PCDHGA7: variants seen among roughly 807,000 people sequenced by gnomAD.
PCDHGA7 encodes the protein protocadherin gamma-A7.
PCDHGA7 carries 44 observed loss-of-function variants against 58.3 expected under a neutral mutation model. The ratio of observed to expected loss-of-function variants is 0.75; its 90% CI spans 0.59 to 0.97. The LOEUF (loss-of-function observed/expected upper bound fraction) is 0.97, where lower values mean the gene tolerates loss of function less well. Among genes scored for constraint, PCDHGA7 ranks in the 50% least tolerant of loss-of-function variants. The pLI is 0.00. For missense variants in PCDHGA7, 1,266 were observed against 1,188.7 expected (o/e 1.06, Z -0.96); for synonymous variants, 516 against 504.2 (o/e 1.02, Z -0.31).
At chr5:141,492,974 C>G (rs1479838959) in intron 1 of PCDHGA7, among the ~76,000 whole-genome samples, 1 of 152,244 alleles carries the variant, frequency 6.6e-6, no homozygotes, top group Non-Finnish European at 1.5e-5. Flanking sequence ...CTAACAAGTC[C>G]TGTCTCCTCT....
chr5:141,422,331 T>C (rs768333038), intron 1 of PCDHGA7: 1 of 1,548,508 alleles, frequency 6.5e-7, no homozygotes, highest in South Asian at 1.3e-5. Context: ...CAGTGATTGC[T>C]CTTCTAAATG....
rs572603287 is a variant in PCDHGA7 at position 141,477,037 on chromosome 5, G to T, written c.2425-17770G>T. 19 of 1,614,266 alleles carry T rather than the reference G, an allele frequency of 1.2e-5. No homozygotes were observed. In the East Asian group the frequency reaches 3.8e-4, roughly 32 times the overall value. Reference sequence around the variant, plus strand: ...TTGTAACCGGGATGCTGACAATCAAGGGTCGGCTGGACTTCGAGGACACCA... The same window carrying T: ...TTGTAACCGGGATGCTGACAATCAATGGTCGGCTGGACTTCGAGGACACCA... On this transcript the variant is annotated intron_variant, in intron 1 of 3. Transcript: ENST00000518325. The surrounding 1 kb of genome is among the most constrained non-coding windows in gnomAD (Gnocchi z 4.9).
rs1464357405 is a variant in PCDHGA7 at position 141,476,385 on chromosome 5, A to G, written c.2425-18422A>G. On this transcript the variant is annotated intron_variant, in intron 1 of 3. Coordinates refer to ENST00000518325, the MANE Select transcript of PCDHGA7 (RefSeq NM_018920.4). The surrounding 1 kb of genome is among the most constrained non-coding windows in gnomAD (Gnocchi z 7.6). ...GAGACCGGAGAGATGTTTGTGAACG[A>G]CCGTCTGGATCGAGAGGAGCTGTGT... The G allele has an allele frequency of 4.3e-6, 7 of 1,614,062 alleles. No homozygotes were observed. The highest frequency in any genetic ancestry group is 5.9e-6 in the Non-Finnish European group (7 of 1,180,020).
chr5:141,403,109 G>A (rs754708762), intron 1 of PCDHGA7: 3 of 1,614,074 alleles, frequency 1.9e-6, no homozygotes. Context: ...CAAGGACCTG[G>A]CTCTGGAGCC....
chr5:141,427,494 A>G (rs1220750249), intron 1 of PCDHGA7: 1 of 560,916 alleles, frequency 1.8e-6, no homozygotes, highest in Non-Finnish European at 3.4e-6. Context: ...TAAGCTTGTA[A>G]CAGATGGGAC....
chr5:141,467,912 G>A (rs879405529), intron 1 of PCDHGA7, among the ~76,000 whole-genome samples: 1 of 152,086 alleles, frequency 6.6e-6, no homozygotes, highest in Admixed American at 6.6e-5. Context: ...GCCCACCTCA[G>A]CCTCCCAAAA....
At position 141,400,101 on chromosome 5, in the gene PCDHGA7, G is replaced by A. The variant is rs778391200; in HGVS notation, c.2424+14778G>A. The A allele has an allele frequency of 8.1e-6, 13 of 1,613,948 alleles. No homozygotes were observed. The East Asian group carries it at 2.9e-4, about 36-fold the overall frequency. ...TCTCCGCCACCGCCACGCTGCACTT[G>A]GTCTTTGCTGACAGCTTGCAGGAGG... On this transcript the variant is annotated intron_variant, in intron 1 of 3. Coordinates refer to ENST00000518325, the MANE Select transcript of PCDHGA7 (RefSeq NM_018920.4).
intron 1 of PCDHGA7, among the ~76,000 whole-genome samples, chr5:141,461,711 C>A (rs897443905): frequency 1.3e-5 from 2 of 152,112 alleles, no homozygotes; most frequent in African/African-American, 2.4e-5. Flanking sequence ...ACTTTTTTTG[C>A]CCAGGCTGGA....
chr5:141,393,789 G>C lies in PCDHGA7; in HGVS notation c.2424+8466G>C, dbSNP rs889575374. On this transcript the variant is annotated intron_variant, in intron 1 of 3. Transcript: ENST00000518325. ...GGAAATACAAGCCGAAGATGTGGGGGCACTTCTGGGGAGGACCAAATTGCT... is the reference window on the plus strand; with the variant it reads ...GGAAATACAAGCCGAAGATGTGGGGCCACTTCTGGGGAGGACCAAATTGCT... The C allele has an allele frequency of 1.9e-6, 3 of 1,613,840 alleles. No homozygotes were observed. The African/African-American group carries it at 4.0e-5, about 22-fold the overall frequency.
At chr5:141,389,519 C>T in intron 1 of PCDHGA7, 1 of 1,613,156 alleles carries the variant, frequency 6.2e-7, no homozygotes, top group South Asian at 1.1e-5. Context: ...CGAACGTGAG[C>T]CTGCGCGTGT....
chr5:141,456,434 G>A (rs1418917805), intron 1 of PCDHGA7, among the ~76,000 whole-genome samples: 1 of 152,108 alleles, frequency 6.6e-6, no homozygotes, highest in Non-Finnish European at 1.5e-5. Flanking sequence ...TTATAGTATT[G>A]AGTATACAGA....
chr5:141,394,257 C>A (rs1256817731), intron 1 of PCDHGA7: 1 of 1,613,828 alleles, frequency 6.2e-7, no homozygotes, highest in Non-Finnish European at 8.5e-7. Flanking sequence ...CCCCGACAGC[C>A]AGGAGAATGC....
chr5:141,427,887 C>A (rs759734297), intron 1 of PCDHGA7: 2 of 1,565,908 alleles, frequency 1.3e-6, no homozygotes, highest in Admixed American at 1.7e-5. Flanking sequence ...GGCCCACGAC[C>A]AGGGCTCGCC....
chr5:141,417,878 C>T, intron 1 of PCDHGA7: 1 of 1,558,216 alleles, frequency 6.4e-7, no homozygotes, highest in Non-Finnish European at 8.7e-7. Context: ...GAGCTGCGCG[C>T]AGAGGCGCCG....
Position 141,485,432 on chromosome 5 carries a change from A to C in PCDHGA7, c.2425-9375A>C. The C allele has an allele frequency of 6.2e-7, 1 of 1,614,178 alleles. No individual in the cohort carries two copies. Among genetic ancestry groups the C allele is most frequent in the Non-Finnish European group, 8.5e-7 (1 of 1,180,028 alleles). ...TTTGGACAGCGGAGCCCTGCTCATC[A>C]AGAACCCAATCGACCGAGAGGCACT... On this transcript the variant is annotated intron_variant, in intron 1 of 3. Transcript: ENST00000518325. The surrounding 1 kb of genome is among the most constrained non-coding windows in gnomAD (Gnocchi z 5.7).
intron 1 of PCDHGA7, among the ~76,000 whole-genome samples, chr5:141,438,633 TATACACAC>T (rs1401551511): frequency 0.055 from 1,851 of 33,458 alleles, 10 homozygotes; most frequent in African/African-American, 0.082. Flanking sequence ...TATATATATA[TATACACAC>T]ACACACACAC....
chr5:141,385,256 A>G lies in PCDHGA7; in HGVS notation c.2357A>G (p.Glu786Gly), dbSNP rs779090806. The change falls in exon 1 of 4, where the codon GAG becomes GGG. Residue 786 changes from glutamate to glycine, a missense_variant. By Grantham distance (98) the Glu-to-Gly change is moderately conservative. Transcript: ENST00000518325. ...VDMLISQESCEKNDSLLTSVD... is the reference protein window; with the variant it reads ...VDMLISQESCGKNDSLLTSVD... Reference sequence around the variant, plus strand: ...ATGCTCATCAGCCAGGAGAGCTGTGAGAAAAATGATTCTTTGCTAACATCC... The same window carrying G: ...ATGCTCATCAGCCAGGAGAGCTGTGGGAAAAATGATTCTTTGCTAACATCC... 7 of 1,613,794 alleles carry G rather than the reference A, an allele frequency of 4.3e-6. No homozygotes were observed. In the Admixed American group the frequency reaches 1.0e-4, roughly 23 times the overall value.
chr5:141,489,793 C>G lies in PCDHGA7; in HGVS notation c.2425-5014C>G. On this transcript the variant is annotated intron_variant, in intron 1 of 3. Transcript: ENST00000518325. This position sits in a 1 kb window ranked among gnomAD's most constrained non-coding sequence, Gnocchi z 4.5. ...CCACTTCTCTCTGAATGTGAAGACC[C>G]TAAAAGATGGGAAGCCATTCCCAGA... 1 of 1,614,160 alleles carries G rather than the reference C, an allele frequency of 6.2e-7. No individual in the cohort carries two copies. The highest frequency in any genetic ancestry group is 1.1e-5 in the South Asian group (1 of 91,078).
At chr5:141,460,580 G>A (rs1037056676) in intron 1 of PCDHGA7, among the ~76,000 whole-genome samples, 7 of 152,160 alleles carry the variant, frequency 4.6e-5, no homozygotes, top group African/African-American at 1.4e-4. Flanking sequence ...ATGTAGGTGT[G>A]GGTTTTTTCT....
Sources: gnomAD v4.1 joint callset for allele counts (sites outside exome capture counted in the v4.1 genomes callset) on GRCh38, gnomAD v4.1.1 for gene constraint, Gnocchi (gnomAD v3.1) non-coding constraint, MANE v1.5 for transcripts, NCBI Gene and HGNC (gene_info 2026-07-23, HGNC 2026-07-21) for gene names.